SLCO3A1: variants seen among roughly 807,000 people sequenced by gnomAD.
SLCO3A1 encodes PGE1 transporter.
In SLCO3A1, 27 loss-of-function variants were observed where a neutral mutation model predicts 63.1. The ratio of observed to expected loss-of-function variants is 0.43; its 90% CI spans 0.32 to 0.59. The LOEUF (loss-of-function observed/expected upper bound fraction) is 0.59. Ranked by LOEUF, SLCO3A1 falls within the 20% of genes least tolerant of loss-of-function variation. The pLI is 0.09. For missense variants in SLCO3A1, 773 were observed against 945.8 expected (o/e 0.82, Z 2.40); for synonymous variants, 473 against 409.9 (o/e 1.15, Z -1.86).
chr15:92,064,334 G>C (rs1469479401), intron 2 of SLCO3A1, among the ~76,000 whole-genome samples: 2 of 152,146 alleles, frequency 1.3e-5, no homozygotes, highest in Non-Finnish European at 1.5e-5. Context: ...GTATATTCTG[G>C]TTATTAATCC....
At position 91,872,608 on chromosome 15, in the gene SLCO3A1, C is replaced by T. The variant is rs1897307417; in HGVS notation, c.180+18520C>T. On this transcript the variant is annotated intron_variant, in intron 1 of 9. Transcript: ENST00000318445. The surrounding 1 kb of genome is among the most constrained non-coding windows in gnomAD (Gnocchi z 4.1). ...CAAGTTGGCACAGCTAGTGTTTGAT[C>T]TTGAGTCTCTTGGTTCCAGCTCTAA... 6.6e-6 allele frequency among the ~76,000 whole-genome samples: 1 copy of T among 152,146 alleles called. No individual in the cohort carries two copies. Among genetic ancestry groups the T allele is most frequent in the African/African-American group, 2.4e-5 (1 of 41,448 alleles).
intron 2 of SLCO3A1, among the ~76,000 whole-genome samples, chr15:91,964,979 G>A (rs547442782): frequency 7.8e-4 from 118 of 152,078 alleles, no homozygotes; most frequent in African/African-American, 2.8e-3. Flanking sequence ...ACTTTTCTGC[G>A]TGTGCCATGC....
At chr15:92,145,406 A>C (rs1188284690) in intron 7 of SLCO3A1, among the ~76,000 whole-genome samples, 2 of 142,574 alleles carry the variant, frequency 1.4e-5, no homozygotes, top group African/African-American at 5.2e-5. Context: ...TGTGTATTCT[A>C]AAGCTGTATG....
chr15:91,873,582 T>A (rs12900959), intron 1 of SLCO3A1, among the ~76,000 whole-genome samples: 1 of 147,244 alleles, frequency 6.8e-6, no homozygotes, highest in Non-Finnish European at 1.5e-5. Flanking sequence ...ACATACATAC[T>A]TTATTTCAGG....
intron 2 of SLCO3A1, among the ~76,000 whole-genome samples, chr15:91,957,652 A>G (rs1900288928): frequency 6.6e-6 from 1 of 152,146 alleles, no homozygotes; most frequent in African/African-American, 2.4e-5. Context: ...TTGCTCAGAT[A>G]CTACCTTATC....
In SLCO3A1 at chr15:91,882,498, C is replaced by G. The variant is rs534752257; in HGVS notation, c.180+28410C>G. Among the ~76,000 whole-genome samples, 3 of 152,116 alleles carry G rather than the reference C, an allele frequency of 2.0e-5. No individual in the cohort carries two copies. The South Asian group carries it at 6.2e-4, about 32-fold the overall frequency. ...AGATTTGGGGGCCTCCACCCCCACC[C>G]CACCCCCACTATGTATGACTTCTTT... is the stretch of plus-strand genomic sequence containing the variant. On this transcript the variant is annotated intron_variant, in intron 1 of 9. Transcript: ENST00000318445. The surrounding 1 kb of genome is among the most constrained non-coding windows in gnomAD (Gnocchi z 4.4).
chr15:92,035,384 A>G, intron 2 of SLCO3A1, among the ~76,000 whole-genome samples: 1 of 151,888 alleles, frequency 6.6e-6, no homozygotes, highest in East Asian at 1.9e-4. Flanking sequence ...TATGGCCCAA[A>G]GGGATACAGA....
chr15:92,058,132 G>A (rs1030245309), intron 2 of SLCO3A1, among the ~76,000 whole-genome samples: 2 of 152,020 alleles, frequency 1.3e-5, no homozygotes, highest in Non-Finnish European at 2.9e-5. Flanking sequence ...TTCTAATGCT[G>A]CGCTAGGTTC....
rs936770290 is a variant in SLCO3A1 at position 92,165,799 on chromosome 15, C to T, written c.*2664C>T. 5.1e-6 allele frequency: 5 copies of T among 985,346 alleles called. No homozygotes were observed. Among genetic ancestry groups the T allele is most frequent in the Non-Finnish European group, 3.6e-6 (3 of 829,874 alleles). 61.0% of individuals were successfully genotyped at this position (985,346 alleles called of 1,614,324 possible). ...GTACATACAACACTAGATCCAGCCCCTCGATTATCTGTTTGGTTTCAAGTG... is the reference window on the plus strand; with the variant it reads ...GTACATACAACACTAGATCCAGCCCTTCGATTATCTGTTTGGTTTCAAGTG... On this transcript the variant is annotated 3_prime_UTR_variant, in exon 10 of 10. Coordinates refer to ENST00000318445, the MANE Select transcript of SLCO3A1 (RefSeq NM_013272.4).
rs559866518 is a variant in SLCO3A1 at position 91,865,369 on chromosome 15, A to G, written c.180+11281A>G. 1.3e-5 allele frequency among the ~76,000 whole-genome samples: 2 copies of G among 152,342 alleles called. No homozygotes were observed. The highest frequency in any genetic ancestry group is 1.9e-4 in the East Asian group (1 of 5,188). On this transcript the variant is annotated intron_variant, in intron 1 of 9. Coordinates refer to ENST00000318445, the MANE Select transcript of SLCO3A1 (RefSeq NM_013272.4). The surrounding 1 kb of genome is among the most constrained non-coding windows in gnomAD (Gnocchi z 4.6). Reference sequence around the variant, plus strand: ...CAGTTTATCTGTTGGTGAGGTGGACATGGGCTTGGAGGGGAGAGGGTGGAT... The same window carrying G: ...CAGTTTATCTGTTGGTGAGGTGGACGTGGGCTTGGAGGGGAGAGGGTGGAT...
intron 2 of SLCO3A1, among the ~76,000 whole-genome samples, chr15:91,996,367 A>G (rs767030682): frequency 9.2e-5 from 14 of 152,162 alleles, no homozygotes; most frequent in Non-Finnish European, 1.5e-4. Flanking sequence ...GGTAAAATAT[A>G]CCATATTCAT....
At chr15:91,962,968 G>C (rs1900505828) in intron 2 of SLCO3A1, among the ~76,000 whole-genome samples, 1 of 152,178 alleles carries the variant, frequency 6.6e-6, no homozygotes, top group Non-Finnish European at 1.5e-5. Context: ...GAAGACATAA[G>C]TGATTAACTT....
intron 2 of SLCO3A1, among the ~76,000 whole-genome samples, chr15:92,087,516 A>ATTTTTT (rs34074469): frequency 1.6e-5 from 2 of 121,752 alleles, no homozygotes; most frequent in African/African-American, 3.1e-5. Context: ...ATTATCTATT[A>ATTTTTT]TTTTTTTTTT....
intron 2 of SLCO3A1, among the ~76,000 whole-genome samples, chr15:92,061,949 C>T (rs1019492938): frequency 1.3e-5 from 2 of 152,200 alleles, no homozygotes; most frequent in African/African-American, 4.8e-5. Flanking sequence ...CTGTGGCAGT[C>T]ACGCATCTGC....
chr15:91,940,299 A>G (rs1899574930), intron 2 of SLCO3A1, among the ~76,000 whole-genome samples: 1 of 152,086 alleles, frequency 6.6e-6, no homozygotes. Context: ...GCAATCCAAT[A>G]GATGACAATG....
At chr15:91,993,174 C>T (rs2046148347) in intron 2 of SLCO3A1, among the ~76,000 whole-genome samples, 1 of 152,118 alleles carries the variant, frequency 6.6e-6, no homozygotes, top group African/African-American at 2.4e-5. Flanking sequence ...AGGAGCTTGC[C>T]CACAATTGTC....
At position 92,033,412 on chromosome 15, in the gene SLCO3A1, G is replaced by A. The variant is rs1200020270; in HGVS notation, c.647-61469G>A. On this transcript the variant is annotated intron_variant, in intron 2 of 9. Coordinates refer to ENST00000318445, the MANE Select transcript of SLCO3A1 (RefSeq NM_013272.4). The surrounding 1 kb of genome is among the most constrained non-coding windows in gnomAD (Gnocchi z 4.5). The stretch of plus-strand genomic sequence containing the variant: ...CCCTCCAACTCTCTTCCCCTTAGTG[G>A]AGAAGTAACGATGTTCACGCTTGGG... Among the ~76,000 whole-genome samples the A allele has an allele frequency of 1.3e-5, 2 of 152,154 alleles. No individual in the cohort carries two copies. The highest frequency in any genetic ancestry group is 2.9e-5 in the Non-Finnish European group (2 of 68,034).
intron 2 of SLCO3A1, among the ~76,000 whole-genome samples, chr15:92,054,015 C>G (rs1468425032): frequency 6.6e-6 from 1 of 152,126 alleles, no homozygotes; most frequent in Non-Finnish European, 1.5e-5. Flanking sequence ...GGAGGCTTGT[C>G]TGTTCTCACC....
At chr15:92,141,804 G>T (rs1358313164) in intron 7 of SLCO3A1, among the ~76,000 whole-genome samples, 1 of 152,130 alleles carries the variant, frequency 6.6e-6, no homozygotes, top group Non-Finnish European at 1.5e-5. Context: ...ATCTCCCTTA[G>T]CACAACGTTG....
Sources: allele counts gnomAD v4.1 joint callset (sites outside exome capture counted in the v4.1 genomes callset), GRCh38; gene constraint gnomAD v4.1.1; non-coding constraint Gnocchi (gnomAD v3.1); transcripts MANE v1.5; gene names NCBI Gene and HGNC (gene_info 2026-07-23, HGNC 2026-07-21).